Variants in NME8 observed in about 807,000 individuals in gnomAD.
NME8 encodes the protein protein NME8.
Under a neutral mutation model 82.3 loss-of-function variants are expected in NME8, and 72 were observed. That is an observed-to-expected ratio of 0.87 (90% CI 0.72 to 1.06). NME8 has a LOEUF of 1.06. NME8 is among the 50% of genes least tolerant of loss of function. The probability of loss-of-function intolerance (pLI) is 0.00; values close to 1 mark genes in which losing one functional copy is unlikely to be tolerated. For synonymous variants in NME8, 267 were observed against 228.5 expected, an observed-to-expected ratio of 1.17 and a Z score of -1.52; for missense variants, 712 against 685.4, an observed-to-expected ratio of 1.04 and a Z score of -0.43.
At chr7:37,890,331 T>C (rs1171854992) in intron 15 of NME8, among the ~76,000 whole-genome samples, 1 of 151,994 alleles carries the variant, frequency 6.6e-6, no homozygotes, top group African/African-American at 2.4e-5. Context: ...AACATAATTG[T>C]CCATATTCAT....
At position 37,897,099 on chromosome 7, in the gene NME8, T is replaced by C. The variant is rs375554328; in HGVS notation, c.*7T>C. ...GGATCCTGAGGAAAACTAAAGTATA[T>C]ACTGTGAAGTACGTACCTGTTTAAT... is the stretch of plus-strand genomic sequence containing the variant. On this transcript the variant is annotated 3_prime_UTR_variant, in exon 17 of 18. Transcript: ENST00000199447. 29 of 1,539,838 alleles carry C rather than the reference T, an allele frequency of 1.9e-5. No homozygotes were observed. Among genetic ancestry groups the C allele is most frequent in the Middle Eastern group, 3.4e-4 (2 of 5,908 alleles).
rs182480870 is a variant in NME8, at chr7:37,880,355, C to T, written c.994+3348C>T. Among the ~76,000 whole-genome samples the T allele has an allele frequency of 2.7e-4, 41 of 152,236 alleles. No homozygotes were observed. The East Asian group carries it at 4.4e-3, about 16-fold the overall frequency. The stretch of plus-strand genomic sequence containing the variant: ...GTGTTTTACATATAGGTCTATCATC[C>T]ATTTTGAGTTATTTTTATGAATAGT... On this transcript the variant is annotated intron_variant, in intron 12 of 17. Transcript: ENST00000199447.
At chr7:37,849,712 A>G (rs887794963) in intron 2 of NME8, among the ~76,000 whole-genome samples, 1 of 152,140 alleles carries the variant, frequency 6.6e-6, no homozygotes, top group African/African-American at 2.4e-5. Context: ...TACTAAAAAT[A>G]CAAAAAAAAT....
In NME8 at chr7:37,852,188, A is replaced by T. The variant is rs549811598; in HGVS notation, c.198+1453A>T. On this transcript the variant is annotated intron_variant, in intron 5 of 17. Coordinates refer to ENST00000199447, the MANE Select transcript of NME8 (RefSeq NM_016616.5). ...TTTTTTAAAAAATGTCTTTATATAG[A>T]TGTTATTTTTAGAGCAGTTTTAGGC... 5.3e-5 allele frequency among the ~76,000 whole-genome samples: 8 copies of T among 151,870 alleles called. No homozygotes were observed. The East Asian group carries it at 1.4e-3, about 26-fold the overall frequency.
At chr7:37,854,875 G>A (rs1784489756) in intron 5 of NME8, among the ~76,000 whole-genome samples, 1 of 152,124 alleles carries the variant, frequency 6.6e-6, no homozygotes, top group Non-Finnish European at 1.5e-5. Flanking sequence ...TAAATCCCAT[G>A]AAGTCATGCA....
chr7:37,851,970 A>G (rs1348942002), intron 5 of NME8, among the ~76,000 whole-genome samples: 1 of 152,098 alleles, frequency 6.6e-6, no homozygotes, highest in Non-Finnish European at 1.5e-5. Context: ...TGCATTTTCC[A>G]TAGGACTTAT....
At chr7:37,899,075 C>A (rs1055226018) in intron 17 of NME8, among the ~76,000 whole-genome samples, 2 of 151,980 alleles carry the variant, frequency 1.3e-5, no homozygotes, top group African/African-American at 4.8e-5. Flanking sequence ...TAAAAGTAAG[C>A]CTTTATGTTG....
In NME8 at chr7:37,884,366, T is replaced by TA. The variant is rs767588481; in HGVS notation, c.1059dup (p.Ser354IlefsTer13). 1.2e-6 allele frequency: 2 copies of TA among 1,603,770 alleles called. No individual in the cohort carries two copies. The highest frequency in any genetic ancestry group is 4.5e-5 in the East Asian group (2 of 44,780). ...ATACTGGAGCAAAGACAAGTAGTAT[T>TA]ATCGGAAAAAGAAGCACAAGCACTG... is the stretch of plus-strand genomic sequence containing the variant. On this transcript the variant is annotated frameshift_variant, in exon 13 of 18. Transcript: ENST00000199447. LOFTEE classifies it high-confidence loss of function.
At chr7:37,889,556 CATTATT>C (rs2131971447) in intron 15 of NME8, among the ~76,000 whole-genome samples, 1 of 151,780 alleles carries the variant, frequency 6.6e-6, no homozygotes, top group East Asian at 1.9e-4. Flanking sequence ...TTTTCATTAT[CATTATT>C]GATTATTGAT....
rs532641560 is a variant in NME8, at chr7:37,860,433, T to C, written c.271-1595T>C. Among the ~76,000 whole-genome samples the C allele has an allele frequency of 3.2e-4, 48 of 152,352 alleles. No individual in the cohort carries two copies. In the South Asian group the frequency reaches 9.9e-3, roughly 32 times the overall value. On this transcript the variant is annotated intron_variant, in intron 6 of 17. Coordinates refer to ENST00000199447, the MANE Select transcript of NME8 (RefSeq NM_016616.5). ...AATGGATATTGTTAGGTATTCATCATTTGTACCTCTTAAATGGTTTGAATA... is the reference window on the plus strand; with the variant it reads ...AATGGATATTGTTAGGTATTCATCACTTGTACCTCTTAAATGGTTTGAATA...
intron 11 of NME8, among the ~76,000 whole-genome samples, chr7:37,869,137 T>C (rs190821835): frequency 6.6e-6 from 1 of 152,306 alleles, no homozygotes; most frequent in African/African-American, 2.4e-5. Context: ...TATTAATGAA[T>C]CATAGTGGCT....
rs202034687 is a variant in NME8 at position 37,857,328 on chromosome 7, G to A, written c.253G>A (p.Val85Ile). The stretch of plus-strand genomic sequence containing the variant: ...GCCATTTAGAGATAAATGTGAACCT[G>A]TTTTTCTCTTTAGTGTTGTAAGTAT... ...LQPFRDKCEP[V>I]FLFSVNGKII... The change falls in exon 6 of 18, where the codon GTT becomes ATT. Residue 85 changes from valine to isoleucine, a missense_variant. By Grantham distance (29) the Val-to-Ile change is conservative. Coordinates refer to ENST00000199447, the MANE Select transcript of NME8 (RefSeq NM_016616.5). 39 of 1,609,676 alleles carry A rather than the reference G, an allele frequency of 2.4e-5. No homozygotes were observed. The East Asian group carries it at 8.0e-4, about 33-fold the overall frequency.
chr7:37,886,077 C>T (rs1785035335), intron 14 of NME8, among the ~76,000 whole-genome samples: 1 of 152,158 alleles, frequency 6.6e-6, no homozygotes, highest in African/African-American at 2.4e-5. Context: ...GGGTGGGATA[C>T]ACTTAAATCT....
intron 10 of NME8, among the ~76,000 whole-genome samples, chr7:37,866,960 A>G (rs1479618562): frequency 6.6e-6 from 1 of 152,206 alleles, no homozygotes; most frequent in African/African-American, 2.4e-5. Flanking sequence ...AATCAATAGC[A>G]TTCTTCTGAG....
chr7:37,898,896 A>C (rs1405548032), intron 17 of NME8, among the ~76,000 whole-genome samples: 1 of 152,172 alleles, frequency 6.6e-6, no homozygotes, highest in African/African-American at 2.4e-5. Flanking sequence ...TGCCAGGATA[A>C]AAAAAATAGT....
chr7:37,883,979 ACACACACC>A (rs1211309157), intron 12 of NME8, among the ~76,000 whole-genome samples: 4 of 150,880 alleles, frequency 2.7e-5, no homozygotes, highest in African/African-American at 9.8e-5. Flanking sequence ...ACACACACAC[ACACACACC>A]CACACAATCA....
At chr7:37,886,245 T>C (rs1330628810) in intron 14 of NME8, among the ~76,000 whole-genome samples, 3 of 152,038 alleles carry the variant, frequency 2.0e-5, no homozygotes, top group African/African-American at 7.2e-5. Context: ...TGGCATAGAG[T>C]GCAATGCATG....
At chr7:37,865,405 C>A in intron 9 of NME8, 120 bp from the exon 10 acceptor site, 1 of 713,712 alleles carries the variant, frequency 1.4e-6, no homozygotes. Flanking sequence ...ATAGATTTTG[C>A]TGAGGTTCTT....
chr7:37,865,968 T>C (rs1456652606), intron 10 of NME8, among the ~76,000 whole-genome samples: 1 of 152,104 alleles, frequency 6.6e-6, no homozygotes, highest in Non-Finnish European at 1.5e-5. Flanking sequence ...TGTCACCAGC[T>C]TCACAAGAAT....
Sources: gnomAD v4.1 joint callset for allele counts (sites outside exome capture counted in the v4.1 genomes callset) on GRCh38, gnomAD v4.1.1 for gene constraint, MANE v1.5 for transcripts, NCBI Gene and HGNC (gene_info 2026-07-23, HGNC 2026-07-21) for gene names.